The following CYP2C18 variants were observed in gnomAD, a reference collection of about 807,000 sequenced individuals.
CYP2C18 encodes the protein cytochrome P450 2C18.
A neutral mutation model predicts 41.3 loss-of-function variants in CYP2C18; 38 were observed. That is an observed-to-expected ratio of 0.92 (90% CI 0.71 to 1.21). The LOEUF (loss-of-function observed/expected upper bound fraction) is 1.21, where lower values mean the gene tolerates loss of function less well. CYP2C18 is among the 50% of genes most tolerant of loss of function. The pLI is 0.00. For missense variants in CYP2C18, 635 were observed against 591.4 expected, an observed-to-expected ratio of 1.07 and a Z score of -0.77; for synonymous variants, 236 against 210.0, an observed-to-expected ratio of 1.12 and a Z score of -1.07.
intron 5 of CYP2C18, among the ~76,000 whole-genome samples, chr10:94,718,160 CT>C (rs1847587689): frequency 6.6e-6 from 1 of 151,702 alleles, no homozygotes; most frequent in African/African-American, 2.4e-5. Flanking sequence ...GTGACTTTCA[CT>C]TTTTTGGTTA....
chr10:94,728,398 G>A (rs773519050), intron 7 of CYP2C18, among the ~76,000 whole-genome samples: 6 of 152,090 alleles, frequency 3.9e-5, no homozygotes, highest in African/African-American at 9.7e-5. Flanking sequence ...TAAAAAGATG[G>A]CATGGTACTT....
chr10:94,688,123 A>G lies in CYP2C18; in HGVS notation c.332-2A>G, dbSNP rs1846926744. ...CGTAGCTTCTGTTTTCTGTTCTGCT[A>G]GGAATCCTTTTCAGCAATGGAAAGA... On this transcript the variant is annotated splice_acceptor_variant, in intron 2 of 8. Transcript: ENST00000285979. LOFTEE classifies it high-confidence loss of function. 4 of 1,613,296 alleles carry G rather than the reference A, an allele frequency of 2.5e-6. No homozygotes were observed. Among genetic ancestry groups the G allele is most frequent in the Non-Finnish European group, 3.4e-6 (4 of 1,179,696 alleles).
intron 6 of CYP2C18, among the ~76,000 whole-genome samples, chr10:94,721,898 AT>A (rs1444741828): frequency 6.8e-6 from 1 of 146,566 alleles, no homozygotes; most frequent in Non-Finnish European, 1.5e-5. Flanking sequence ...ATTTTAATCC[AT>A]TCATCTGTTG....
In CYP2C18 at chr10:94,735,835, T is replaced by C. The variant is rs1002251734; in HGVS notation, c.*391T>C. ...CTGGGTCAGTTCTTAGATTTCTTTC[T>C]TTTGAGTAAAATGAAAGTAAGAAAT... On this transcript the variant is annotated 3_prime_UTR_variant, in exon 9 of 9. Coordinates refer to ENST00000285979, the MANE Select transcript of CYP2C18 (RefSeq NM_000772.3). 5.9e-6 allele frequency: 1 copy of C among 169,640 alleles called. No individual in the cohort carries two copies. Among genetic ancestry groups the C allele is most frequent in the East Asian group, 1.6e-4 (1 of 6,366 alleles). The allele number at this position is 169,640 out of a possible 1,614,324, so 10.5% of individuals were successfully genotyped here. A position where few individuals can be genotyped will look rare whatever the true frequency, so the allele number is the denominator to read the frequency against.
At position 94,695,809 on chromosome 10, in the gene CYP2C18, T is replaced by C. The variant is rs58424017; in HGVS notation, c.642+732T>C. 4.6e-3 allele frequency among the ~76,000 whole-genome samples: 706 copies of C among 152,196 alleles called. 3 individuals are homozygous for C. Among genetic ancestry groups the C allele is most frequent in the African/African-American group, 0.016 (683 of 41,514 alleles). ...TAATATGGTGCTTTTCCAATGATCTTAGCAAATGGCACACCAGGAGATTAT... is the reference window on the plus strand; with the variant it reads ...TAATATGGTGCTTTTCCAATGATCTCAGCAAATGGCACACCAGGAGATTAT... On this transcript the variant is annotated intron_variant, in intron 4 of 8. Transcript: ENST00000285979.
intron 5 of CYP2C18, among the ~76,000 whole-genome samples, chr10:94,712,535 G>T (rs1589801241): frequency 1.3e-5 from 2 of 152,112 alleles, no homozygotes; most frequent in East Asian, 3.9e-4. Context: ...CATTTTTAAG[G>T]CTGAATAGTA....
intron 4 of CYP2C18, among the ~76,000 whole-genome samples, chr10:94,704,281 T>A (rs1847297631): frequency 6.6e-6 from 1 of 151,918 alleles, no homozygotes; most frequent in South Asian, 2.1e-4. Context: ...GCTCTGGAAA[T>A]CAGAGTCTTT....
chr10:94,728,543 C>G, intron 7 of CYP2C18: 1 of 516,770 alleles, frequency 1.9e-6, no homozygotes, highest in Non-Finnish European at 2.5e-6. Flanking sequence ...ATCCTTCCTT[C>G]TGTGTTTTTT....
At position 94,723,618 on chromosome 10, in the gene CYP2C18, A is replaced by G. The variant is rs115324874; in HGVS notation, c.962-728A>G. Among the ~76,000 whole-genome samples the G allele has an allele frequency of 4.7e-3, 718 of 152,260 alleles. 5 individuals carry two copies. The highest frequency in any genetic ancestry group is 0.016 in the African/African-American group (685 of 41,566). On this transcript the variant is annotated intron_variant, in intron 6 of 8. Coordinates refer to ENST00000285979, the MANE Select transcript of CYP2C18 (RefSeq NM_000772.3). ...TAATGGTGTGAACATGAGTATTAATATAATAAAAATGTGATATAAATACAT... is the reference window on the plus strand; with the variant it reads ...TAATGGTGTGAACATGAGTATTAATGTAATAAAAATGTGATATAAATACAT...
intron 3 of CYP2C18, among the ~76,000 whole-genome samples, chr10:94,688,500 G>A (rs1846937766): frequency 1.3e-5 from 2 of 152,010 alleles, no homozygotes; most frequent in South Asian, 2.1e-4. Context: ...CTTGAAATAC[G>A]CAATACTTTG....
intron 5 of CYP2C18, among the ~76,000 whole-genome samples, chr10:94,719,913 TG>T: frequency 6.6e-6 from 1 of 152,080 alleles, no homozygotes; most frequent in East Asian, 1.9e-4. Context: ...GGGTCTCACT[TG>T]TTGCCCAGGC....
chr10:94,686,755 A>T (rs1169312290), intron 1 of CYP2C18, among the ~76,000 whole-genome samples: 2 of 152,192 alleles, frequency 1.3e-5, no homozygotes, highest in Admixed American at 1.3e-4. Context: ...GAATAAAATA[A>T]TGCATTTTGC....
At chr10:94,725,237 G>T (rs1407885500) in intron 7 of CYP2C18, among the ~76,000 whole-genome samples, 1 of 151,084 alleles carries the variant, frequency 6.6e-6, no homozygotes, top group East Asian at 1.9e-4. Flanking sequence ...ACTGCACCTG[G>T]CTTTTAAATA....
chr10:94,727,135 C>T (rs1847755193), intron 7 of CYP2C18, among the ~76,000 whole-genome samples: 1 of 152,084 alleles, frequency 6.6e-6, no homozygotes, highest in African/African-American at 2.4e-5. Context: ...GAACACATAT[C>T]TGATTGTTTA....
At position 94,683,908 on chromosome 10, in the gene CYP2C18, C is replaced by G. The variant is rs760964416; in HGVS notation, c.89C>G (p.Pro30Arg). 1.9e-6 allele frequency: 3 copies of G among 1,611,190 alleles called. No homozygotes were observed. Among genetic ancestry groups the G allele is most frequent in the Non-Finnish European group, 2.5e-6 (3 of 1,178,658 alleles). Residue 30 changes from proline to arginine, a missense_variant, in exon 1 of 9, where the codon CCG becomes CGG. Coordinates refer to ENST00000285979, the MANE Select transcript of CYP2C18 (RefSeq NM_000772.3). ...WRQSSGRGRLPSGPTPLPIIG... is the reference protein window; with the variant it reads ...WRQSSGRGRLRSGPTPLPIIG... ...CAGAGCTCTGGAAGAGGGAGGCTCC[C>G]GTCTGGCCCCACTCCTCTCCCGATT...
rs1441124445 is a variant in CYP2C18 at position 94,735,442 on chromosome 10, T to C, written c.1471T>C (p.Ter491ArgextTer34). Reference protein sequence around the residue: ...PLYQLCFIPV* With the variant: ...PLYQLCFIPVR ...GTACCAGCTCTGCTTCATTCCTGTC[T>C]GAAGAAGGGCAGATAGTTTGGCTGC... Residue 491 changes from the stop codon to arginine, a stop_lost, in exon 9 of 9, where the codon TGA becomes CGA. Coordinates refer to ENST00000285979, the MANE Select transcript of CYP2C18 (RefSeq NM_000772.3). 3 of 1,613,260 alleles carry C rather than the reference T, an allele frequency of 1.9e-6. No homozygotes were observed. Among genetic ancestry groups the C allele is most frequent in the Non-Finnish European group, 2.5e-6 (3 of 1,179,468 alleles).
At position 94,724,446 on chromosome 10, in the gene CYP2C18, G is replaced by A; in HGVS notation, c.1062G>A (p.Glu354=). The A allele has an allele frequency of 6.2e-7, 1 of 1,613,598 alleles. No individual in the cohort carries two copies. The highest frequency in any genetic ancestry group is 8.5e-7 in the Non-Finnish European group (1 of 1,179,730). ...HMPYTDAVVH[E]IQRYIDLLPT... is the part of the protein sequence containing the mutation. The stretch of plus-strand genomic sequence containing the variant: ...CCTACACAGATGCTGTGGTGCACGA[G>A]ATCCAGAGATACATTGACCTCCTCC... The change falls in exon 7 of 9, where the codon GAG becomes GAA. Residue 354 remains glutamate (E), a synonymous_variant. Coordinates refer to ENST00000285979, the MANE Select transcript of CYP2C18 (RefSeq NM_000772.3).
At chr10:94,687,635 A>G (rs1469263524) in intron 1 of CYP2C18, 135 bp from the exon 2 acceptor site, 6 of 872,440 alleles carry the variant, frequency 6.9e-6, no homozygotes, top group Middle Eastern at 3.4e-4. Context: ...TGTCTAAAAT[A>G]TACAAATATT....
chr10:94,699,645 G>A (rs1180148890), intron 4 of CYP2C18, among the ~76,000 whole-genome samples: 2 of 152,028 alleles, frequency 1.3e-5, no homozygotes, highest in Admixed American at 1.3e-4. Context: ...GGCAGGAGAA[G>A]GAAATAAAAA....
Sources: allele counts gnomAD v4.1 joint callset (sites outside exome capture counted in the v4.1 genomes callset), GRCh38; gene constraint gnomAD v4.1.1; transcripts MANE v1.5; gene names NCBI Gene and HGNC (gene_info 2026-07-23, HGNC 2026-07-21).